The following ANKHD1 variants were observed in gnomAD, a reference collection of about 807,000 sequenced individuals.
ANKHD1 encodes ankyrin repeat and KH domain containing 1, also known as ankyrin repeat and KH domain-containing protein 1.
A neutral mutation model predicts 230.5 loss-of-function variants in ANKHD1; 31 were observed. That is an observed-to-expected ratio of 0.13 (90% CI 0.10 to 0.18). The LOEUF (loss-of-function observed/expected upper bound fraction) is 0.18, where lower values mean the gene tolerates loss of function less well. Ranked by LOEUF, ANKHD1 falls within the 10% of genes least tolerant of loss-of-function variation. ANKHD1 has a pLI of 1.00. For synonymous variants in ANKHD1, 1,074 were observed against 1,117.6 expected (o/e 0.96, Z 0.78); for missense variants, 2,256 against 3,071.3 (o/e 0.73, Z 6.27).
intron 3 of ANKHD1, among the ~76,000 whole-genome samples, chr5:140,438,954 A>G (rs1773650805): frequency 6.6e-6 from 1 of 152,172 alleles, no homozygotes. Context: ...GTGCTTGAGT[A>G]CTAATACATG....
chr5:140,487,050 A>G lies in ANKHD1; in HGVS notation c.2235A>G (p.Gly745=). Residue 745 remains glycine, a synonymous_variant, in exon 14 of 34, where the codon GGA becomes GGG. Transcript: ENST00000360839. ...AGGAGAACTCTCCTGCCCTTTTAGG[A>G]GTGCAAAAAGGTTAGTTATTGAATT... ...TSQENSPALL[G]VQKGTSKQKS... 6.8e-6 allele frequency: 11 copies of G among 1,609,706 alleles called. No homozygotes were observed. The highest frequency in any genetic ancestry group is 9.3e-6 in the Non-Finnish European group (11 of 1,178,400).
At position 140,529,675 on chromosome 5, in the gene ANKHD1, C is replaced by A. The variant is rs146396925; in HGVS notation, c.6729C>A (p.Phe2243Leu). ...LSSRVATDAS[F>L]TVQSAFLGNS... is the part of the protein sequence containing the mutation. ...CACGAGTTGCTACAGATGCCTCTTT[C>A]ACTGTTCAGTCAGCGTTCCTGGGTA... is the stretch of plus-strand genomic sequence containing the variant. The change falls in exon 29 of 34, where the codon TTC becomes TTA. Residue 2243 changes from phenylalanine (F) to leucine (L), a missense_variant. This residue lies in a region of ANKHD1 where 778 missense variants were observed against 966.5 expected (regional missense o/e 0.80). Coordinates refer to ENST00000360839, the MANE Select transcript of ANKHD1 (RefSeq NM_017747.3). 1 of 1,614,094 alleles carries A rather than the reference C, an allele frequency of 6.2e-7. No homozygotes were observed. Among genetic ancestry groups the A allele is most frequent in the African/African-American group, 1.3e-5 (1 of 74,928 alleles).
Position 140,401,934 on chromosome 5 carries a change from G to T in ANKHD1, c.-34G>T. 1 of 1,537,972 alleles carries T rather than the reference G, an allele frequency of 6.5e-7. No homozygotes were observed. Among genetic ancestry groups the T allele is most frequent in the East Asian group, 2.5e-5 (1 of 39,668 alleles). On this transcript the variant is annotated 5_prime_UTR_variant, in exon 1 of 34. Transcript: ENST00000360839. The stretch of plus-strand genomic sequence containing the variant: ...ATCAGCGGCGGCGGTGACCGCGAGT[G>T]GGTCGGCACCGTCTCCGGCTCCGGG...
Position 140,402,060 on chromosome 5 carries a change from G to T in ANKHD1, c.93G>T (p.Pro31=), listed in dbSNP as rs766887816. The change falls in exon 1 of 34, where the codon CCG becomes CCT. Residue 31 remains proline (P), a synonymous_variant. Transcript: ENST00000360839. ...PRSAPAGASE[P]PPPGGVGLGI... ...CCGCCCCAGCTGGGGCCTCGGAGCC[G>T]CCTCCGCCGGGAGGGGTCGGTCTGG... 58 of 1,489,958 alleles carry T rather than the reference G, an allele frequency of 3.9e-5. No individual in the cohort carries two copies. The highest frequency in any genetic ancestry group is 5.0e-5 in the Non-Finnish European group (56 of 1,124,794). The allele number at this position is 1,489,958 out of a possible 1,614,324, so 92.3% of individuals were successfully genotyped here. A position where few individuals can be genotyped will look rare whatever the true frequency, so the allele number is the denominator to read the frequency against.
chr5:140,427,020 T>G (rs1371247602), intron 1 of ANKHD1, among the ~76,000 whole-genome samples: 3 of 152,202 alleles, frequency 2.0e-5, no homozygotes, highest in Admixed American at 1.3e-4. Flanking sequence ...CCGTTCTCAA[T>G]GAGCTGTTGG....
At position 140,497,200 on chromosome 5, in the gene ANKHD1, T is replaced by C. The variant is rs768337338; in HGVS notation, c.2926T>C (p.Leu976=). The C allele has an allele frequency of 4.3e-6, 7 of 1,612,714 alleles. No homozygotes were observed. In the South Asian group the frequency reaches 4.4e-5, roughly 10 times the overall value. The change falls in exon 15 of 34, where the codon TTA becomes CTA. Residue 976 remains leucine (L), a synonymous_variant. Transcript: ENST00000360839. ...TATTACTGGACATGATCAGGGGCTG[T>C]TAGTTCAAGAACCAGATGGACTAAT... ...IAITGHDQGL[L]VQEPDGLMVA...
At chr5:140,424,410 A>G (rs913936477) in intron 1 of ANKHD1, among the ~76,000 whole-genome samples, 2 of 152,094 alleles carry the variant, frequency 1.3e-5, no homozygotes, top group Non-Finnish European at 2.9e-5. Context: ...CAGCCTCCCA[A>G]GCAGCTCTGA....
chr5:140,424,311 T>C (rs767656416), intron 1 of ANKHD1, among the ~76,000 whole-genome samples: 8 of 151,994 alleles, frequency 5.3e-5, no homozygotes, highest in Non-Finnish European at 8.8e-5. Context: ...CTAGACAATA[T>C]CTTGTTCTGT....
intron 24 of ANKHD1, among the ~76,000 whole-genome samples, chr5:140,517,776 G>C (rs1269868340): frequency 4.4e-4 from 65 of 148,418 alleles, no homozygotes; most frequent in Middle Eastern, 6.8e-3. Flanking sequence ...GAATCTCTGG[G>C]ACACATTCAA....
chr5:140,473,612 T>C (rs752430341), intron 10 of ANKHD1, among the ~76,000 whole-genome samples: 68 of 152,120 alleles, frequency 4.5e-4, no homozygotes, highest in Non-Finnish European at 6.8e-4. Context: ...AACTAATTTT[T>C]TTCATTTTTA....
In ANKHD1 at chr5:140,505,731, A is replaced by G; in HGVS notation, c.3270A>G (p.Thr1090=). Residue 1090 remains threonine (T), a synonymous_variant, in exon 18 of 34, where the codon ACA becomes ACG. Coordinates refer to ENST00000360839, the MANE Select transcript of ANKHD1 (RefSeq NM_017747.3). ...KIEHRDKKGF[T]PLILAATAGH... Reference sequence around the variant, plus strand: ...TTTCATTTTCTGATTTAGGTTTCACACCACTAATCCTGGCAGCAACAGCAG... The same window carrying G: ...TTTCATTTTCTGATTTAGGTTTCACGCCACTAATCCTGGCAGCAACAGCAG... 2 of 1,588,034 alleles carry G rather than the reference A, an allele frequency of 1.3e-6. No homozygotes were observed. The highest frequency in any genetic ancestry group is 1.7e-6 in the Non-Finnish European group (2 of 1,173,666).
At chr5:140,425,940 T>C (rs528337511) in intron 1 of ANKHD1, among the ~76,000 whole-genome samples, 1 of 152,226 alleles carries the variant, frequency 6.6e-6, no homozygotes, top group East Asian at 1.9e-4. Flanking sequence ...AGATCAACAA[T>C]AGGCATTCCA....
At chr5:140,510,731 A>C (rs1287481324) in intron 22 of ANKHD1, among the ~76,000 whole-genome samples, 4 of 152,122 alleles carry the variant, frequency 2.6e-5, no homozygotes, top group Admixed American at 2.6e-4. Flanking sequence ...TTTAAGAAAA[A>C]CTATTATATG....
intron 1 of ANKHD1, among the ~76,000 whole-genome samples, chr5:140,421,295 A>G (rs915761737): frequency 8.8e-6 from 1 of 113,960 alleles, no homozygotes; most frequent in Admixed American, 9.8e-5. Context: ...TAGAGTTTTT[A>G]CTTTTTTTTT....
At chr5:140,461,616 A>G (rs1482485754) in intron 9 of ANKHD1, among the ~76,000 whole-genome samples, 2 of 152,186 alleles carry the variant, frequency 1.3e-5, no homozygotes, top group Non-Finnish European at 2.9e-5. Flanking sequence ...TTCATGGCCA[A>G]TCTTATTTCA....
chr5:140,405,920 A>T (rs1770398873), intron 1 of ANKHD1, among the ~76,000 whole-genome samples: 1 of 150,560 alleles, frequency 6.6e-6, no homozygotes, highest in Non-Finnish European at 1.5e-5. Context: ...GGTGTGAGCC[A>T]CCATGCCTGG....
rs1199059976 is a variant in ANKHD1 at position 140,485,112 on chromosome 5, T to A, written c.1871-9T>A. ...CTTTGCTAAGATTGCGATTTATTTT[T>A]CTTCAAAGGTGCCAATGTTAACAGG... is the stretch of plus-strand genomic sequence containing the variant. On this transcript the variant is annotated splice_polypyrimidine_tract_variant and intron_variant, in intron 11 of 33. Transcript: ENST00000360839. This position sits in a 1 kb window ranked among gnomAD's most constrained non-coding sequence, Gnocchi z 4.8. The A allele has an allele frequency of 6.3e-7, 1 of 1,593,728 alleles. No individual in the cohort carries two copies. The highest frequency in any genetic ancestry group is 1.7e-5 in the Admixed American group (1 of 59,178).
chr5:140,478,521 A>C (rs1448042605), intron 10 of ANKHD1, among the ~76,000 whole-genome samples: 1 of 152,154 alleles, frequency 6.6e-6, no homozygotes, highest in East Asian at 1.9e-4. Flanking sequence ...AATTATCAAA[A>C]TTGACTCTAG....
chr5:140,507,662 A>G lies in ANKHD1; in HGVS notation c.3552-123A>G. Reference sequence around the variant, plus strand: ...TTATTCTTTATTATTGGTCGAAACAAGTAAAATCTATTCATTGATGTTAGA... The same window carrying G: ...TTATTCTTTATTATTGGTCGAAACAGGTAAAATCTATTCATTGATGTTAGA... On this transcript the variant is annotated intron_variant, in intron 19 of 33. Transcript: ENST00000360839. This position sits in a 1 kb window ranked among gnomAD's most constrained non-coding sequence, Gnocchi z 4.1. 8.4e-7 allele frequency: 1 copy of G among 1,184,262 alleles called. No homozygotes were observed. Among genetic ancestry groups the G allele is most frequent in the Non-Finnish European group, 1.2e-6 (1 of 856,948 alleles). 73.4% of individuals were successfully genotyped at this position (1,184,262 alleles called of 1,614,324 possible).
Sources: allele counts gnomAD v4.1 joint callset (sites outside exome capture counted in the v4.1 genomes callset), GRCh38; gene constraint gnomAD v4.1.1; regional missense constraint gnomAD v4.1.1; non-coding constraint Gnocchi (gnomAD v3.1); transcripts MANE v1.5; gene names NCBI Gene and HGNC (gene_info 2026-07-23, HGNC 2026-07-21).